The following ANKS1B variants were observed in gnomAD, a reference collection of about 807,000 sequenced individuals.
ANKS1B encodes ankyrin repeat and sterile alpha motif domain containing 1B.
ANKS1B carries 36 observed loss-of-function variants against 148.3 expected under a neutral mutation model. The ratio of observed to expected loss-of-function variants is 0.24; its 90% CI spans 0.19 to 0.32. ANKS1B has a LOEUF of 0.32. Ranked by LOEUF, ANKS1B falls within the 10% of genes least tolerant of loss-of-function variation. The pLI is 1.00. For missense variants in ANKS1B, 1,157 were observed against 1,542.6 expected, an observed-to-expected ratio of 0.75 and a Z score of 4.19; for synonymous variants, 542 against 560.8, an observed-to-expected ratio of 0.97 and a Z score of 0.47.
At chr12:99,553,793 T>C (rs1369263253) in intron 9 of ANKS1B, among the ~76,000 whole-genome samples, 1 of 152,110 alleles carries the variant, frequency 6.6e-6, no homozygotes, top group Admixed American at 6.6e-5. Flanking sequence ...CTCCAAACCC[T>C]TGTAGTTGCA....
intron 12 of ANKS1B, among the ~76,000 whole-genome samples, chr12:99,358,021 A>G (rs2092169421): frequency 6.6e-6 from 1 of 151,782 alleles, no homozygotes; most frequent in Non-Finnish European, 1.5e-5. Context: ...CAAATTGTCT[A>G]TTTTCTTTCC....
At chr12:98,937,003 T>C (rs1445570906) in intron 17 of ANKS1B, among the ~76,000 whole-genome samples, 3 of 152,118 alleles carry the variant, frequency 2.0e-5, no homozygotes, top group Non-Finnish European at 4.4e-5. Flanking sequence ...CTCTGTATCT[T>C]TAGGTCTTAG....
chr12:99,094,773 C>T (rs2055336849), intron 15 of ANKS1B, among the ~76,000 whole-genome samples: 1 of 152,166 alleles, frequency 6.6e-6, no homozygotes, highest in South Asian at 2.1e-4. Context: ...GGAAATAAGA[C>T]AATACAGAGA....
chr12:99,684,237 G>A (rs1261417342), intron 8 of ANKS1B, among the ~76,000 whole-genome samples: 1 of 151,722 alleles, frequency 6.6e-6, no homozygotes, highest in African/African-American at 2.4e-5. Flanking sequence ...AAAGCTCCTA[G>A]AACTGAAAAA....
chr12:98,976,115 A>G lies in ANKS1B; in HGVS notation c.2778+77042T>C, dbSNP rs542534511. ...GACAAAAGAAGGAAAGACATTTGAC[A>G]TGCTCCATGTACCTGAGATTCATCT... On this transcript the variant is annotated intron_variant, in intron 17 of 26. Coordinates refer to ENST00000683438, the MANE Select transcript of ANKS1B (RefSeq NM_001352186.2). Among the ~76,000 whole-genome samples the G allele has an allele frequency of 4.6e-5, 7 of 152,346 alleles. No individual in the cohort carries two copies. In the South Asian group the frequency reaches 1.4e-3, roughly 32 times the overall value.
At chr12:99,066,569 G>A (rs1053382000) in intron 16 of ANKS1B, among the ~76,000 whole-genome samples, 1 of 152,178 alleles carries the variant, frequency 6.6e-6, no homozygotes, top group Non-Finnish European at 1.5e-5. Flanking sequence ...GAAATGGGGA[G>A]TCAGGGTATG....
rs369249822 is a variant in ANKS1B at position 98,820,942 on chromosome 12, T to C, written c.3066+8232A>G. On this transcript the variant is annotated intron_variant, in intron 19 of 26. Coordinates refer to ENST00000683438, the MANE Select transcript of ANKS1B (RefSeq NM_001352186.2). ...ACTCCCAGATGCAGTTGAGAAAGCA[T>C]AATGTAGAAGAAAACTAGAAGTTAT... Among the ~76,000 whole-genome samples the C allele has an allele frequency of 5.9e-5, 9 of 152,354 alleles. No homozygotes were observed. The East Asian group carries it at 1.7e-3, about 29-fold the overall frequency.
At chr12:99,568,002 T>C (rs1056771656) in intron 9 of ANKS1B, among the ~76,000 whole-genome samples, 2 of 152,214 alleles carry the variant, frequency 1.3e-5, no homozygotes, top group African/African-American at 4.8e-5. Flanking sequence ...TTATTTCACA[T>C]TGACCAAAAT....
chr12:99,529,296 A>G (rs942681269), intron 9 of ANKS1B, among the ~76,000 whole-genome samples: 1 of 152,214 alleles, frequency 6.6e-6, no homozygotes, highest in African/African-American at 2.4e-5. Context: ...ATGTTCACCT[A>G]GACTCGAACC....
chr12:99,902,980 G>C (rs2093653587), intron 1 of ANKS1B, among the ~76,000 whole-genome samples: 1 of 151,936 alleles, frequency 6.6e-6, no homozygotes. Flanking sequence ...TAGCCAGGCT[G>C]GTCTCAAACT....
intron 24 of ANKS1B, among the ~76,000 whole-genome samples, chr12:98,780,254 T>C (rs11109601): frequency 0.047 from 7,130 of 152,294 alleles, 243 homozygotes; most frequent in Non-Finnish European, 0.079. Flanking sequence ...TCACCAATGG[T>C]GATCACCTCT....
chr12:99,982,364 A>T (rs2095715339), intron 1 of ANKS1B, among the ~76,000 whole-genome samples: 1 of 151,836 alleles, frequency 6.6e-6, no homozygotes, highest in South Asian at 2.1e-4. Flanking sequence ...CAGCTGGGAA[A>T]GGAGTATTTA....
chr12:98,894,283 T>C (rs1439449275), intron 17 of ANKS1B, among the ~76,000 whole-genome samples: 4 of 151,494 alleles, frequency 2.6e-5, no homozygotes, highest in African/African-American at 9.7e-5. Context: ...TTGGAAAATA[T>C]ACACTGTTAA....
intron 8 of ANKS1B, among the ~76,000 whole-genome samples, chr12:99,682,172 A>G (rs1210853490): frequency 6.6e-6 from 1 of 152,240 alleles, no homozygotes; most frequent in Non-Finnish European, 1.5e-5. Flanking sequence ...GAGGACTTCA[A>G]TACTCCACTG....
At chr12:99,824,451 G>A (rs1452055799) in intron 2 of ANKS1B, among the ~76,000 whole-genome samples, 1 of 151,434 alleles carries the variant, frequency 6.6e-6, no homozygotes, top group African/African-American at 2.4e-5. Flanking sequence ...AGTGAGCCAC[G>A]ATTGTGCCAC....
At chr12:99,562,526 T>C (rs2097347159) in intron 9 of ANKS1B, among the ~76,000 whole-genome samples, 2 of 152,336 alleles carry the variant, frequency 1.3e-5, no homozygotes, top group African/African-American at 4.8e-5. Context: ...AAGAACTGCC[T>C]GAGGCTGAGT....
intron 10 of ANKS1B, among the ~76,000 whole-genome samples, chr12:99,491,881 T>C (rs943545152): frequency 5.3e-5 from 8 of 152,144 alleles, no homozygotes; most frequent in Non-Finnish European, 1.2e-4. Flanking sequence ...AGATACAACA[T>C]ACCAGAATCT....
chr12:99,868,099 T>C (rs2090994117), intron 1 of ANKS1B, among the ~76,000 whole-genome samples: 1 of 152,110 alleles, frequency 6.6e-6, no homozygotes, highest in African/African-American at 2.4e-5. Context: ...CAATTAATGA[T>C]TTTTAAAAAA....
chr12:98,937,957 A>T (rs2099820330), intron 17 of ANKS1B, among the ~76,000 whole-genome samples: 1 of 152,022 alleles, frequency 6.6e-6, no homozygotes, highest in Non-Finnish European at 1.5e-5. Context: ...ATCTTGTGAG[A>T]ACTCCCTCAC....
Sources: allele counts gnomAD v4.1 joint callset (sites outside exome capture counted in the v4.1 genomes callset), GRCh38; gene constraint gnomAD v4.1.1; transcripts MANE v1.5; gene names NCBI Gene and HGNC (gene_info 2026-07-23, HGNC 2026-07-21).